The following HERC2 variants were observed in gnomAD, a reference collection of about 807,000 sequenced individuals.
The protein encoded by HERC2 is HECT and RLD domain containing E3 ubiquitin protein ligase 2.
Under a neutral mutation model 537.7 loss-of-function variants are expected in HERC2, and 102 were observed. That is an observed-to-expected ratio of 0.19 (90% CI 0.16 to 0.22). The LOEUF is 0.22. Ranked by LOEUF, HERC2 falls within the 10% of genes least tolerant of loss-of-function variation. The pLI is 1.00. For synonymous variants in HERC2, 2,224 were observed against 2,466.2 expected (o/e 0.90, Z 2.91); for missense variants, 4,236 against 6,198.2 (o/e 0.68, Z 10.63).
chr15:28,179,911 CA>C (rs969821898), intron 57 of HERC2, among the ~76,000 whole-genome samples: 2 of 152,120 alleles, frequency 1.3e-5, no homozygotes, highest in African/African-American at 4.8e-5. Context: ...TTACAAGAGT[CA>C]AAAAGTTTTT....
At chr15:28,143,769 A>G (rs1410440346) in intron 74 of HERC2, 104 bp downstream of exon 74, 13 of 1,455,024 alleles carry the variant, frequency 8.9e-6, no homozygotes, top group Admixed American at 1.9e-5. Context: ...TTCTTATGTG[A>G]AACTCCCCAA....
chr15:28,124,010 C>G, intron 85 of HERC2, 27 bp downstream of exon 85: 1 of 1,546,908 alleles, frequency 6.5e-7, no homozygotes, highest in African/African-American at 1.4e-5. Flanking sequence ...CCAGTTTCCC[C>G]TAGAGCAAAG....
Position 28,240,291 on chromosome 15 carries a change from G to A in HERC2, c.3578-1519C>T, listed in dbSNP as rs549239933. Among the ~76,000 whole-genome samples the A allele has an allele frequency of 5.3e-3, 800 of 152,112 alleles. 1 individual carries two copies. Among genetic ancestry groups the A allele is most frequent in the African/African-American group, 0.018 (753 of 41,452 alleles). ...AAATTAGCCGGGCGTGGTGGCAGGC[G>A]CCTGTAGTCCCAGCTACTCGGGAGG... On this transcript the variant is annotated intron_variant, in intron 23 of 92. Transcript: ENST00000261609.
At chr15:28,165,077 G>A (rs1206337476) in intron 68 of HERC2, among the ~76,000 whole-genome samples, 1 of 152,234 alleles carries the variant, frequency 6.6e-6, no homozygotes, top group Non-Finnish European at 1.5e-5. Context: ...CCTGGTGTGG[G>A]GAGCGCCTCA....
At position 28,192,085 on chromosome 15, in the gene HERC2, C is replaced by T. The variant is rs1352578749; in HGVS notation, c.8327G>A (p.Gly2776Asp). Residue 2776 changes from glycine (G) to aspartate (D), a missense_variant, in exon 53 of 93, where the codon GGC becomes GAC. Gly to Asp is a moderately conservative substitution (Grantham distance 94). This residue lies in a region of HERC2 where 606 missense variants were observed against 884.5 expected (regional missense o/e 0.69). Coordinates refer to ENST00000261609, the MANE Select transcript of HERC2 (RefSeq NM_004667.6). Reference protein sequence around the residue: ...QLKRCHSSQPGMLLDSWSRMV... With the variant: ...QLKRCHSSQPDMLLDSWSRMV... ...GCGGGACCAGCTGTCCAGCAGCATG[C>T]CTGGCTGGCTGCTGTGGCAACGCTT... The T allele has an allele frequency of 1.9e-6, 3 of 1,613,902 alleles. No homozygotes were observed. The highest frequency in any genetic ancestry group is 2.2e-5 in the South Asian group (2 of 91,084).
In HERC2 at chr15:28,201,011, G is replaced by A. The variant is rs1183084112; in HGVS notation, c.7716+445C>T. Among the ~76,000 whole-genome samples the A allele has an allele frequency of 2.7e-5, 4 of 146,648 alleles. No homozygotes were observed. The Admixed American group carries it at 2.8e-4, about 10-fold the overall frequency. The stretch of plus-strand genomic sequence containing the variant: ...GGTATGTAGGAAGTGTCACAAGTGG[G>A]GCTAGTAGAAAACAGCCATCCCTGC... On this transcript the variant is annotated intron_variant, in intron 48 of 92. Coordinates refer to ENST00000261609, the MANE Select transcript of HERC2 (RefSeq NM_004667.6).
intron 52 of HERC2, among the ~76,000 whole-genome samples, chr15:28,192,761 CCT>C (rs1240755843): frequency 6.6e-6 from 1 of 152,130 alleles, no homozygotes; most frequent in East Asian, 1.9e-4. Context: ...AAGCAAAGTC[CCT>C]GAGACGACAC....
chr15:28,248,798 G>A (rs893294396), intron 20 of HERC2, 62 bp from the exon 21 acceptor site: 3 of 1,327,268 alleles, frequency 2.3e-6, no homozygotes, highest in African/African-American at 2.9e-5. Context: ...AAGAAAATGG[G>A]ATGGGGTAAA....
chr15:28,275,199 C>G (rs1178608440), intron 5 of HERC2, among the ~76,000 whole-genome samples, 194 bp from the exon 6 acceptor site: 2 of 152,214 alleles, frequency 1.3e-5, no homozygotes, highest in Non-Finnish European at 2.9e-5. Context: ...GAAAAGTTTT[C>G]TCTTTAAGAA....
At chr15:28,264,588 A>T (rs2075510293) in intron 14 of HERC2, among the ~76,000 whole-genome samples, 1 of 152,202 alleles carries the variant, frequency 6.6e-6, no homozygotes, top group Non-Finnish European at 1.5e-5. Context: ...GATCTGCACC[A>T]AAGAAACACC....
intron 14 of HERC2, 121 bp from the exon 15 acceptor site, chr15:28,263,290 A>G: frequency 9.2e-7 from 1 of 1,082,992 alleles, no homozygotes; most frequent in Non-Finnish European, 1.3e-6. Flanking sequence ...TACATAGTTA[A>G]CACTACAAGG....
chr15:28,206,937 G>T (rs534834941), intron 44 of HERC2, among the ~76,000 whole-genome samples: 4 of 151,456 alleles, frequency 2.6e-5, no homozygotes, highest in African/African-American at 9.7e-5. Context: ...CTTGAACCAG[G>T]GAGTTGGAGG....
chr15:28,245,566 TACAC>T (rs200862998), intron 23 of HERC2, among the ~76,000 whole-genome samples: 1,589 of 119,208 alleles, frequency 0.013, 21 homozygotes, highest in African/African-American at 0.034. Context: ...AAAAAATATA[TACAC>T]ACACACACAC....
chr15:28,145,321 G>C (rs1201056148), intron 71 of HERC2, among the ~76,000 whole-genome samples: 1 of 152,230 alleles, frequency 6.6e-6, no homozygotes, highest in Non-Finnish European at 1.5e-5. Flanking sequence ...AGGAGCGGTG[G>C]TGTACTACAC....
chr15:28,222,317 G>C (rs1370830122), intron 35 of HERC2, 102 bp from the exon 36 acceptor site: 3 of 614,254 alleles, frequency 4.9e-6, no homozygotes, highest in Middle Eastern at 8.6e-4. Flanking sequence ...TCGTAATTTT[G>C]AACAATCCAT....
intron 88 of HERC2, among the ~76,000 whole-genome samples, chr15:28,116,252 T>G (rs560753818): frequency 6.7e-6 from 1 of 150,134 alleles, no homozygotes; most frequent in South Asian, 2.1e-4. Context: ...TACAGAGTGT[T>G]GCCCAGGCTG....
Position 28,245,903 on chromosome 15 carries a change from C to T in HERC2, c.3555G>A (p.Glu1185=). The part of the protein sequence containing the change: ...APGKERDDHE[E]LAWPGIMESF... Reference sequence around the variant, plus strand: ...TACCCATTATGCCAGGCCAGGCTAACTCTTCATGATCATCCCGTTCCTTTC... The same window carrying T: ...TACCCATTATGCCAGGCCAGGCTAATTCTTCATGATCATCCCGTTCCTTTC... The change falls in exon 23 of 93, where the codon GAG becomes GAA. Residue 1185 remains glutamate (E), a synonymous_variant. Transcript: ENST00000261609. 6.2e-7 allele frequency: 1 copy of T among 1,614,086 alleles called. No homozygotes were observed. Among genetic ancestry groups the T allele is most frequent in the Non-Finnish European group, 8.5e-7 (1 of 1,180,020 alleles).
intron 53 of HERC2, 149 bp from the exon 54 acceptor site, chr15:28,191,393 C>T (rs1896842508): frequency 3.2e-6 from 2 of 620,742 alleles, no homozygotes; most frequent in Non-Finnish European, 5.6e-6. Flanking sequence ...AACCTGGCAG[C>T]AACAAGAATA....
At position 28,222,130 on chromosome 15, in the gene HERC2, T is replaced by A. The variant is rs532946777; in HGVS notation, c.5550A>T (p.Glu1850Asp). ...SATVLEETRK[E>D]TAPVQLPVSG... ...AAACAGGGAGCTGCACAGGAGCCGT[T>A]TCCTTCCTTGTTTCTTCCAAAACTG... is the stretch of plus-strand genomic sequence containing the variant. The change falls in exon 36 of 93, where the codon GAA becomes GAT. Residue 1850 changes from glutamate (E) to aspartate (D), a missense_variant. Transcript: ENST00000261609. 17 of 1,197,788 alleles carry A rather than the reference T, an allele frequency of 1.4e-5. No homozygotes were observed. In the African/African-American group the frequency reaches 1.9e-4, roughly 13 times the overall value. The allele number at this position is 1,197,788 out of a possible 1,614,324, so 74.2% of individuals were successfully genotyped here.
Sources: gnomAD v4.1 joint callset for allele counts (sites outside exome capture counted in the v4.1 genomes callset) on GRCh38, gnomAD v4.1.1 for gene constraint, gnomAD v4.1.1 regional missense constraint, MANE v1.5 for transcripts, NCBI Gene and HGNC (gene_info 2026-07-23, HGNC 2026-07-21) for gene names.